Variants in MTMR7 observed in about 807,000 individuals in gnomAD.
The protein encoded by MTMR7 is phosphatidylinositol-3-phosphate phosphatase MTMR7.
MTMR7 carries 76 observed loss-of-function variants against 81.2 expected under a neutral mutation model. The ratio of observed to expected loss-of-function variants is 0.94; its 90% CI spans 0.78 to 1.13. MTMR7 has a LOEUF of 1.13. MTMR7 is among the 50% of genes most tolerant of loss of function. The pLI is 0.00. For synonymous variants in MTMR7, 372 were observed against 289.8 expected (o/e 1.28, Z -2.88); for missense variants, 1,044 against 820.0 (o/e 1.27, Z -3.34).
intron 10 of MTMR7, among the ~76,000 whole-genome samples, chr8:17,308,085 G>A (rs1312486894): frequency 6.6e-6 from 1 of 151,638 alleles, no homozygotes; most frequent in East Asian, 1.9e-4. Context: ...AAAAATAATT[G>A]CATTATGGGA....
chr8:17,387,484 T>G (rs1022775859), intron 1 of MTMR7, among the ~76,000 whole-genome samples: 7 of 152,208 alleles, frequency 4.6e-5, no homozygotes, highest in African/African-American at 1.4e-4. Context: ...GATAAATGAA[T>G]ATATCTAGAC....
rs1344266855 is a variant in MTMR7, at chr8:17,335,204, G to C, written c.733-3922C>G. The stretch of plus-strand genomic sequence containing the variant: ...AAACCTCAGCGCTGACAGAGAGGAG[G>C]GACGGAGAACGCAGGCTCCACGAGG... On this transcript the variant is annotated intron_variant, in intron 6 of 13. Transcript: ENST00000180173. 2.0e-5 allele frequency among the ~76,000 whole-genome samples: 3 copies of C among 152,270 alleles called. No homozygotes were observed. In the East Asian group the frequency reaches 5.8e-4, roughly 29 times the overall value.
At chr8:17,316,814 GTTA>G (rs1470869221) in intron 7 of MTMR7, among the ~76,000 whole-genome samples, 1 of 152,046 alleles carries the variant, frequency 6.6e-6, no homozygotes, top group Non-Finnish European at 1.5e-5. Context: ...AATACACCAT[GTTA>G]TTATGTAAGG....
chr8:17,413,324 G>T lies in MTMR7; in HGVS notation c.-32C>A. 1 of 1,525,956 alleles carries T rather than the reference G, an allele frequency of 6.6e-7. No homozygotes were observed. The highest frequency in any genetic ancestry group is 2.1e-5 in the Admixed American group (1 of 48,582). 94.5% of individuals were successfully genotyped at this position (1,525,956 alleles called of 1,614,324 possible). ...CCCACGTCTGCAGGGTCCCGGGCGGGCGCGGCCTCACGCACCTGCGCGCCT... is the reference window on the plus strand; with the variant it reads ...CCCACGTCTGCAGGGTCCCGGGCGGTCGCGGCCTCACGCACCTGCGCGCCT... On this transcript the variant is annotated 5_prime_UTR_variant, in exon 1 of 14. Transcript: ENST00000180173.
intron 11 of MTMR7, among the ~76,000 whole-genome samples, chr8:17,305,433 C>G (rs1053238804): frequency 6.6e-6 from 1 of 152,082 alleles, no homozygotes; most frequent in African/African-American, 2.4e-5. Context: ...AGCATAGCCA[C>G]CAAATATATC....
At chr8:17,327,668 A>T (rs1044245815) in intron 7 of MTMR7, among the ~76,000 whole-genome samples, 18 of 152,126 alleles carry the variant, frequency 1.2e-4, no homozygotes, top group Admixed American at 8.5e-4. Context: ...TCTAAACCAA[A>T]TATATTATGT....
rs1217544991 is a variant in MTMR7, at chr8:17,408,218, G to A, written c.24+5051C>T. ...ATCCCGGCTAAAACGGTGAAACCCC[G>A]TCTCTACTAAAAATACAAAAATTAG... On this transcript the variant is annotated intron_variant, in intron 1 of 13. Transcript: ENST00000180173. 2.2e-5 allele frequency among the ~76,000 whole-genome samples: 2 copies of A among 88,966 alleles called. 1 individual carries two copies. The highest frequency in any genetic ancestry group is 5.8e-5 in the Non-Finnish European group (2 of 34,432). The allele number at this position is 88,966 out of a possible 152,430, so 58.4% of individuals were successfully genotyped here.
Position 17,373,136 on chromosome 8 carries a change from G to A in MTMR7, c.129C>T (p.Asp43=), listed in dbSNP as rs747268193. The change falls in exon 2 of 14, where the codon GAC becomes GAT. Residue 43 remains aspartate (D), a synonymous_variant. Transcript: ENST00000180173. ...AGCATACCCATGTTTCTTTTCTTGG[G>A]TCAGGTGAATTTTCCACGAATATGA... The part of the protein sequence containing the change: ...THVIFVENSP[D]PRKETWILHS... 30 of 1,613,600 alleles carry A rather than the reference G, an allele frequency of 1.9e-5. No homozygotes were observed. Among genetic ancestry groups the A allele is most frequent in the East Asian group, 4.5e-5 (2 of 44,860 alleles).
chr8:17,395,425 G>A (rs528690514), intron 1 of MTMR7, among the ~76,000 whole-genome samples: 10 of 152,098 alleles, frequency 6.6e-5, no homozygotes, highest in Non-Finnish European at 1.2e-4. Flanking sequence ...ATTCTTTGGG[G>A]TATATACCCA....
chr8:17,298,439 T>TTA lies in MTMR7; in HGVS notation c.*1421_*1422dup, dbSNP rs1326806846. ...GATGAACACAATTAAATGTTTTCAT[T>TTA]TATATATATTGCAACACTCCCTCCA... On this transcript the variant is annotated 3_prime_UTR_variant, in exon 14 of 14. Transcript: ENST00000180173. 1 of 152,292 alleles carries TTA rather than the reference T, an allele frequency of 6.6e-6. No individual in the cohort carries two copies. The highest frequency in any genetic ancestry group is 1.5e-5 in the Non-Finnish European group (1 of 67,952). The allele number at this position is 152,292 out of a possible 1,614,324, so 9.4% of individuals were successfully genotyped here. A position where few individuals can be genotyped will look rare whatever the true frequency, so the allele number is the denominator to read the frequency against.
chr8:17,379,596 G>A (rs917044004), intron 1 of MTMR7, among the ~76,000 whole-genome samples: 18 of 152,070 alleles, frequency 1.2e-4, no homozygotes, highest in South Asian at 2.1e-4. Flanking sequence ...ACAAACTTTC[G>A]CCCCCAGCTT....
At chr8:17,391,205 C>A (rs965625776) in intron 1 of MTMR7, among the ~76,000 whole-genome samples, 1 of 152,080 alleles carries the variant, frequency 6.6e-6, no homozygotes, top group Non-Finnish European at 1.5e-5. Flanking sequence ...GATGGACAAA[C>A]CTTGTAGGGC....
intron 7 of MTMR7, among the ~76,000 whole-genome samples, chr8:17,322,058 T>C (rs1190306700): frequency 6.6e-6 from 1 of 152,190 alleles, no homozygotes; most frequent in Non-Finnish European, 1.5e-5. Context: ...TTGGTCTTTC[T>C]TGTACCCTGA....
intron 7 of MTMR7, among the ~76,000 whole-genome samples, chr8:17,322,211 T>C (rs981194714): frequency 6.6e-6 from 1 of 152,160 alleles, no homozygotes; most frequent in African/African-American, 2.4e-5. Context: ...ACTGGCAAAA[T>C]GATGATAATG....
intron 7 of MTMR7, among the ~76,000 whole-genome samples, chr8:17,330,825 T>C (rs185374143): frequency 7.9e-5 from 12 of 152,266 alleles, no homozygotes; most frequent in African/African-American, 2.6e-4. Context: ...AAATGTAGGA[T>C]TGCCTTATTC....
At chr8:17,344,792 G>A (rs1303270354) in intron 5 of MTMR7, among the ~76,000 whole-genome samples, 1 of 152,224 alleles carries the variant, frequency 6.6e-6, no homozygotes, top group Admixed American at 6.5e-5. Context: ...TCCTGGCACT[G>A]TGCCTAACAC....
intron 1 of MTMR7, among the ~76,000 whole-genome samples, chr8:17,407,427 G>A (rs1442310118): frequency 6.6e-6 from 1 of 152,050 alleles, no homozygotes; most frequent in African/African-American, 2.4e-5. Flanking sequence ...AAGTCATTTG[G>A]TAATATATAC....
intron 6 of MTMR7, among the ~76,000 whole-genome samples, chr8:17,335,482 C>G (rs1341853721): frequency 6.6e-6 from 1 of 152,164 alleles, no homozygotes; most frequent in Admixed American, 6.5e-5. Context: ...TGGTCACTGC[C>G]TTAGTCCTCA....
chr8:17,342,346 A>G (rs1225028612), intron 5 of MTMR7, among the ~76,000 whole-genome samples: 1 of 152,234 alleles, frequency 6.6e-6, no homozygotes, highest in Non-Finnish European at 1.5e-5. Context: ...ATCTACATTG[A>G]GACTGTAAGT....
Sources: allele counts gnomAD v4.1 joint callset (sites outside exome capture counted in the v4.1 genomes callset), GRCh38; gene constraint gnomAD v4.1.1; transcripts MANE v1.5; gene names NCBI Gene and HGNC (gene_info 2026-07-23, HGNC 2026-07-21).